The following SUV39H2 variants were observed in gnomAD, a reference collection of about 807,000 sequenced individuals.
SUV39H2 encodes histone-lysine N-methyltransferase SUV39H2.
In SUV39H2, 10 loss-of-function variants were observed where a neutral mutation model predicts 47.5. The observed-to-expected ratio is 0.21, with a 90% CI of 0.13 to 0.36. The LOEUF is 0.36. Ranked by LOEUF, SUV39H2 falls within the 10% of genes least tolerant of loss-of-function variation. The pLI is 1.00. For missense variants in SUV39H2, 266 were observed against 487.4 expected (o/e 0.55, Z 4.28); for synonymous variants, 159 against 166.8 (o/e 0.95, Z 0.36).
intron 2 of SUV39H2, among the ~76,000 whole-genome samples, chr10:14,882,734 A>G (rs988803856): frequency 4.0e-5 from 6 of 151,856 alleles, no homozygotes; most frequent in Non-Finnish European, 8.8e-5. Flanking sequence ...AAGACCTCCT[A>G]CCTCAATGAA....
chr10:14,894,840 A>G (rs537546353), intron 2 of SUV39H2, among the ~76,000 whole-genome samples: 1 of 152,296 alleles, frequency 6.6e-6, no homozygotes, highest in East Asian at 1.9e-4. Context: ...AACATGGCAG[A>G]TATCACATGG....
chr10:14,880,830 A>G (rs1833020516), intron 1 of SUV39H2, among the ~76,000 whole-genome samples: 3 of 152,226 alleles, frequency 2.0e-5, no homozygotes, highest in Non-Finnish European at 4.4e-5. Context: ...ACAGTCCATA[A>G]GTATTACAAA....
Position 14,897,274 on chromosome 10 carries a change from T to C in SUV39H2, c.606T>C (p.Cys202=). 6.2e-7 allele frequency: 1 copy of C among 1,613,974 alleles called. No individual in the cohort carries two copies. The change falls in exon 3 of 6, where the codon TGT becomes TGC. Residue 202 remains cysteine, a synonymous_variant. Transcript: ENST00000354919. Reference sequence around the variant, plus strand: ...CAGATTGCTTCTTTCAAAAATGTTGTCCTGCTGAAGCTGGAGTTCTTTTGG... The same window carrying C: ...CAGATTGCTTCTTTCAAAAATGTTGCCCTGCTGAAGCTGGAGTTCTTTTGG... ...SCTDCFFQKC[C]PAEAGVLLAY...
At chr10:14,880,091 C>G (rs1263277118) in intron 1 of SUV39H2, 1 of 152,084 alleles carries the variant, frequency 6.6e-6, no homozygotes, top group Non-Finnish European at 1.5e-5. Context: ...AAAACGTTCT[C>G]TAGTTTTTGT....
In SUV39H2 at chr10:14,881,651, G is replaced by T; in HGVS notation, c.177+6G>T. ...GTGACTACAAGGTAGTAAAGGTAAG[G>T]CAAATATCTAGCCCCTTACAAGAGA... On this transcript the variant is annotated splice_donor_region_variant and intron_variant, in intron 2 of 5. Coordinates refer to ENST00000354919, the MANE Select transcript of SUV39H2 (RefSeq NM_001193424.2). 6.4e-7 allele frequency: 1 copy of T among 1,556,556 alleles called. No homozygotes were observed. The highest frequency in any genetic ancestry group is 8.6e-7 in the Non-Finnish European group (1 of 1,156,404).
chr10:14,882,864 GT>G (rs869065558), intron 2 of SUV39H2, among the ~76,000 whole-genome samples: 1,436 of 136,922 alleles, frequency 0.01, 3 homozygotes, highest in African/African-American at 0.014. Flanking sequence ...CCCTATAGGA[GT>G]TTTTTTTTTT....
At chr10:14,893,083 G>A (rs1833445701) in intron 2 of SUV39H2, among the ~76,000 whole-genome samples, 1 of 148,070 alleles carries the variant, frequency 6.8e-6, no homozygotes, top group Admixed American at 6.8e-5. Context: ...GCTCACTGCA[G>A]GCTCCGCCCC....
At chr10:14,878,941 C>A in intron 1 of SUV39H2, 22 bp downstream of exon 1, 2 of 1,452,110 alleles carry the variant, frequency 1.4e-6, no homozygotes, top group South Asian at 1.4e-5. Flanking sequence ...GCGCGGCCCC[C>A]TCGCCTTCCC....
rs1833979805 is a variant in SUV39H2 at position 14,901,121 on chromosome 10, G to A, written c.997-12G>A. 4 of 1,613,490 alleles carry A rather than the reference G, an allele frequency of 2.5e-6. No individual in the cohort carries two copies. The highest frequency in any genetic ancestry group is 2.2e-5 in the East Asian group (1 of 44,816). Reference sequence around the variant, plus strand: ...CGTTTGTACTTAAATGGGTTCTAATGTTCCTTTTTAGTGTGACCCAAATCT... The same window carrying A: ...CGTTTGTACTTAAATGGGTTCTAATATTCCTTTTTAGTGTGACCCAAATCT... On this transcript the variant is annotated splice_polypyrimidine_tract_variant and intron_variant, in intron 4 of 5. Coordinates refer to ENST00000354919, the MANE Select transcript of SUV39H2 (RefSeq NM_001193424.2).
intron 2 of SUV39H2, among the ~76,000 whole-genome samples, chr10:14,884,354 G>T (rs1215719253): frequency 6.6e-6 from 1 of 152,186 alleles, no homozygotes; most frequent in East Asian, 1.9e-4. Context: ...ACTTTTTGAT[G>T]ATAGTTTTCC....
At chr10:14,879,328 G>C (rs1289131703) in intron 1 of SUV39H2, among the ~76,000 whole-genome samples, 1 of 152,218 alleles carries the variant, frequency 6.6e-6, no homozygotes, top group South Asian at 2.1e-4. Context: ...ATGCGCCCGG[G>C]CCTTTGAAGT....
In SUV39H2 at chr10:14,894,623, T is replaced by C. The variant is rs1833505935; in HGVS notation, c.178-2223T>C. On this transcript the variant is annotated intron_variant, in intron 2 of 5. Transcript: ENST00000354919. ...ACCTCGTGATCCGCCCGCCTCGGCC[T>C]CCCAAAGTGCTGGGATTACAGGCGT... Among the ~76,000 whole-genome samples the C allele has an allele frequency of 5.2e-5, 3 of 57,582 alleles. 1 individual carries two copies. In the South Asian group the frequency reaches 2.5e-3, roughly 48 times the overall value. The allele number at this position is 57,582 out of a possible 152,430, so 37.8% of individuals were successfully genotyped here.
chr10:14,897,484 A>G lies in SUV39H2; in HGVS notation c.816A>G (p.Lys272=). The part of the protein sequence containing the change: ...GWGVKTLVKI[K]RMSFVMEYVG... ...GTGTAAAGACCCTTGTGAAGATTAA[A>G]AGAATGAGTTTTGTCATGGAATATG... The change falls in exon 3 of 6, where the codon AAA becomes AAG. Residue 272 remains lysine (K), a synonymous_variant. Transcript: ENST00000354919. 1 of 1,572,908 alleles carries G rather than the reference A, an allele frequency of 6.4e-7. No individual in the cohort carries two copies. The highest frequency in any genetic ancestry group is 1.7e-4 in the Middle Eastern group (1 of 5,868).
rs1013137936 is a variant in SUV39H2 at position 14,902,710 on chromosome 10, G to A, written c.*198G>A. On this transcript the variant is annotated 3_prime_UTR_variant, in exon 6 of 6. Coordinates refer to ENST00000354919, the MANE Select transcript of SUV39H2 (RefSeq NM_001193424.2). ...GGGTCTCATAGACTGATATGAAGTC[G>A]ACATATTTATAGTGCTTAGAGACCA... is the stretch of plus-strand genomic sequence containing the variant. 7.9e-5 allele frequency: 33 copies of A among 419,076 alleles called. No homozygotes were observed. The highest frequency in any genetic ancestry group is 6.5e-4 in the Middle Eastern group (1 of 1,538). 26.0% of individuals were successfully genotyped at this position (419,076 alleles called of 1,614,324 possible).
intron 3 of SUV39H2, chr10:14,898,057 T>C (rs1250797388): frequency 2.0e-5 from 3 of 151,350 alleles, no homozygotes; most frequent in Non-Finnish European, 4.4e-5. Flanking sequence ...ATACAAATAC[T>C]AGCAAATTTA....
At chr10:14,884,043 TTGTA>T (rs1201694222) in intron 2 of SUV39H2, among the ~76,000 whole-genome samples, 3 of 152,270 alleles carry the variant, frequency 2.0e-5, no homozygotes, top group Non-Finnish European at 4.4e-5. Flanking sequence ...TAATATTTCA[TTGTA>T]TGGATATATC....
At position 14,896,989 on chromosome 10, in the gene SUV39H2, C is replaced by G; in HGVS notation, c.321C>G (p.Gly107=). 1 of 1,614,042 alleles carries G rather than the reference C, an allele frequency of 6.2e-7. No homozygotes were observed. The highest frequency in any genetic ancestry group is 1.1e-5 in the South Asian group (1 of 91,074). ...KHNYLSQVKK[G]KAITPKDNNK... ...ATTATTTATCTCAGGTAAAGAAAGG[C>G]AAAGCAATAACTCCAAAAGACAATA... The change falls in exon 3 of 6, where the codon GGC becomes GGG. Residue 107 remains glycine, a synonymous_variant. Transcript: ENST00000354919.
intron 5 of SUV39H2, among the ~76,000 whole-genome samples, chr10:14,902,187 A>C (rs1185570633): frequency 6.6e-6 from 1 of 152,228 alleles, no homozygotes; most frequent in Non-Finnish European, 1.5e-5. Context: ...CATCCTTTCA[A>C]GACAATTCAT....
At chr10:14,887,300 G>C (rs1003235013) in intron 2 of SUV39H2, among the ~76,000 whole-genome samples, 6 of 152,156 alleles carry the variant, frequency 3.9e-5, no homozygotes, top group African/African-American at 1.4e-4. Flanking sequence ...ACAGGGTTGG[G>C]TGGGGGTCTG....
Sources: gnomAD v4.1 joint callset for allele counts (sites outside exome capture counted in the v4.1 genomes callset) on GRCh38, gnomAD v4.1.1 for gene constraint, MANE v1.5 for transcripts, NCBI Gene and HGNC (gene_info 2026-07-23, HGNC 2026-07-21) for gene names.